The following PGBD5 variants were observed in gnomAD, a reference collection of about 807,000 sequenced individuals.
The protein encoded by PGBD5 is piggyBac transposable element-derived protein 5.
In PGBD5, 14 loss-of-function variants were observed where a neutral mutation model predicts 47.9. That is an observed-to-expected ratio of 0.29 (90% CI 0.19 to 0.46). PGBD5 has a LOEUF of 0.46. Ranked by LOEUF, PGBD5 falls within the 20% of genes least tolerant of loss-of-function variation. PGBD5 has a pLI of 1.00. For synonymous variants in PGBD5, 316 were observed against 306.3 expected (o/e 1.03, Z -0.33); for missense variants, 635 against 716.0 (o/e 0.89, Z 1.29).
In PGBD5 at chr1:230,325,380, A is replaced by G; in HGVS notation, c.1309T>C (p.Cys437Arg). Residue 437 changes from cysteine (C) to arginine (R), a missense_variant, in exon 6 of 7, where the codon TGC becomes CGC. Transcript: ENST00000391860. ...GCAAACGCCTCCACGGCCAAGGGGC[A>G]TGGGATCTCCCCACTCTTCCTTTTG... The part of the protein sequence containing the change: ...IIKRKSGEIP[C>R]PLAVEAFAAH... 1 of 1,613,816 alleles carries G rather than the reference A, an allele frequency of 6.2e-7. No homozygotes were observed. Among genetic ancestry groups the G allele is most frequent in the Non-Finnish European group, 8.5e-7 (1 of 1,179,872 alleles).
At chr1:230,424,441 CAG>C (rs1185010888) in intron 1 of PGBD5, among the ~76,000 whole-genome samples, 2 of 152,218 alleles carry the variant, frequency 1.3e-5, no homozygotes, top group African/African-American at 4.8e-5. Flanking sequence ...CGCAGCCTGC[CAG>C]AGGTCTGCAG....
chr1:230,415,321 C>CAG (rs1657491384), intron 1 of PGBD5, among the ~76,000 whole-genome samples: 3 of 151,934 alleles, frequency 2.0e-5, no homozygotes, highest in African/African-American at 7.3e-5. Flanking sequence ...ACTAACCACT[C>CAG]TGGGTGATTC....
chr1:230,425,135 A>ACTC lies in PGBD5; in HGVS notation c.331+460_331+462dup, dbSNP rs1346840566. ...CTCTCTCTCAACTCTCACTGGGCCA[A>ACTC]CTCCTACCTGCCTCGCCCGCGTCAC... On this transcript the variant is annotated intron_variant, in intron 1 of 6. Coordinates refer to ENST00000391860, the MANE Select transcript of PGBD5 (RefSeq NM_001258311.2). This position sits in a 1 kb window ranked among gnomAD's most constrained non-coding sequence, Gnocchi z 4.7. Among the ~76,000 whole-genome samples, 1 of 151,434 alleles carries ACTC rather than the reference A, an allele frequency of 6.6e-6. No homozygotes were observed. Among genetic ancestry groups the ACTC allele is most frequent in the Non-Finnish European group, 1.5e-5 (1 of 67,850 alleles).
At position 230,335,126 on chromosome 1, in the gene PGBD5, CACAT is replaced by C. The variant is rs1454380620; in HGVS notation, c.1075+1978_1075+1981del. 9.7e-5 allele frequency among the ~76,000 whole-genome samples: 13 copies of C among 134,136 alleles called. 1 individual carries two copies. Among genetic ancestry groups the C allele is most frequent in the Admixed American group, 3.6e-4 (5 of 13,712 alleles). 88.0% of individuals were successfully genotyped at this position (134,136 alleles called of 152,430 possible). Reference sequence around the variant, plus strand: ...ACACACACAGATACACAGATACAGACACATACACATACATACACAGGTACACATA... The same window carrying C: ...ACACACACAGATACACAGATACAGACACACATACATACACAGGTACACATA... On this transcript the variant is annotated intron_variant, in intron 4 of 6. Transcript: ENST00000391860.
chr1:230,356,071 AAT>A (rs1287700087), intron 2 of PGBD5, among the ~76,000 whole-genome samples: 1 of 152,224 alleles, frequency 6.6e-6, no homozygotes, highest in African/African-American at 2.4e-5. Flanking sequence ...TGGGTCTTTA[AAT>A]ATATACATAA....
At chr1:230,393,903 C>A (rs1173486250) in intron 1 of PGBD5, among the ~76,000 whole-genome samples, 5 of 151,936 alleles carry the variant, frequency 3.3e-5, no homozygotes, top group Non-Finnish European at 5.9e-5. Context: ...CTTCGCAAGG[C>A]TCTCCCTCAC....
In PGBD5 at chr1:230,323,374, G is replaced by A. The variant is rs1410035944; in HGVS notation, c.*51C>T. 3.8e-6 allele frequency: 6 copies of A among 1,570,186 alleles called. No homozygotes were observed. Among genetic ancestry groups the A allele is most frequent in the African/African-American group, 1.4e-5 (1 of 73,796 alleles). ...TCTGATGGGCAAGTTGGAACGGCAG[G>A]CTCTCCTCCTCCTCTTGCCCCTCCC... is the stretch of plus-strand genomic sequence containing the variant. On this transcript the variant is annotated 3_prime_UTR_variant, in exon 7 of 7. Transcript: ENST00000391860. This position sits in a 1 kb window ranked among gnomAD's most constrained non-coding sequence, Gnocchi z 4.1.
At chr1:230,379,735 C>T (rs1668064311) in intron 1 of PGBD5, among the ~76,000 whole-genome samples, 1 of 152,214 alleles carries the variant, frequency 6.6e-6, no homozygotes, top group African/African-American at 2.4e-5. Flanking sequence ...GTGATCGATC[C>T]ACCTCTCTGA....
intron 1 of PGBD5, among the ~76,000 whole-genome samples, chr1:230,375,371 T>A (rs1667994991): frequency 6.6e-6 from 1 of 152,122 alleles, no homozygotes; most frequent in Non-Finnish European, 1.5e-5. Flanking sequence ...GAGGGGAGTT[T>A]ATACAGATGA....
rs1343132959 is a variant in PGBD5 at position 230,317,284 on chromosome 1, G to GA, written c.*6140dup. ...AGAAGCAGCAGTGGCTGAGAACCAG[G>GA]AAGCCCTGGAGCAGACAGAGTGAGG... On this transcript the variant is annotated 3_prime_UTR_variant, in exon 7 of 7. Transcript: ENST00000391860. The GA allele has an allele frequency of 5.9e-5, 9 of 152,470 alleles. No individual in the cohort carries two copies. The East Asian group carries it at 1.7e-3, about 29-fold the overall frequency. 9.4% of individuals were successfully genotyped at this position (152,470 alleles called of 1,614,324 possible).
intron 1 of PGBD5, among the ~76,000 whole-genome samples, chr1:230,416,300 C>A (rs550380637): frequency 1.3e-5 from 2 of 152,324 alleles, no homozygotes; most frequent in East Asian, 3.9e-4. Flanking sequence ...AACTCTTCCA[C>A]TATTTTGGAT....
intron 1 of PGBD5, among the ~76,000 whole-genome samples, chr1:230,398,822 G>C (rs905429582): frequency 6.6e-6 from 1 of 152,024 alleles, no homozygotes; most frequent in Non-Finnish European, 1.5e-5. Flanking sequence ...CTCCTTAAGG[G>C]CCTGCACTGT....
At chr1:230,353,269 A>G (rs1219993526) in intron 2 of PGBD5, among the ~76,000 whole-genome samples, 4 of 152,114 alleles carry the variant, frequency 2.6e-5, no homozygotes, top group Admixed American at 2.6e-4. Flanking sequence ...GTGCTTGATG[A>G]GCTCGTTTTG....
intron 1 of PGBD5, among the ~76,000 whole-genome samples, chr1:230,420,680 C>CA (rs1361101366): frequency 2.0e-5 from 3 of 152,198 alleles, no homozygotes; most frequent in Non-Finnish European, 2.9e-5. Context: ...TCTTGCCTTC[C>CA]ACCATGATTG....
intron 1 of PGBD5, among the ~76,000 whole-genome samples, chr1:230,417,528 G>A (rs1438168780): frequency 1.3e-5 from 2 of 152,202 alleles, no homozygotes; most frequent in African/African-American, 2.4e-5. Flanking sequence ...GGGCCAGTGC[G>A]ACTGCCCACG....
chr1:230,355,991 G>C (rs992011046), intron 2 of PGBD5, among the ~76,000 whole-genome samples: 6 of 152,200 alleles, frequency 3.9e-5, no homozygotes, highest in Admixed American at 1.3e-4. Context: ...ACCTACAAGA[G>C]AATGGCAACA....
At position 230,323,149 on chromosome 1, in the gene PGBD5, T is replaced by C; in HGVS notation, c.*276A>G. ...CACGCTGCCTCGCAAGCTCCACGGA[T>C]GTCATGAGAGAATCTGCCCTTGAGA... On this transcript the variant is annotated 3_prime_UTR_variant, in exon 7 of 7. Coordinates refer to ENST00000391860, the MANE Select transcript of PGBD5 (RefSeq NM_001258311.2). This position sits in a 1 kb window ranked among gnomAD's most constrained non-coding sequence, Gnocchi z 4.1. 2.3e-6 allele frequency: 1 copy of C among 441,350 alleles called. No individual in the cohort carries two copies. The highest frequency in any genetic ancestry group is 3.3e-5 in the South Asian group (1 of 30,624). The allele number at this position is 441,350 out of a possible 1,614,324, so 27.3% of individuals were successfully genotyped here.
At position 230,323,688 on chromosome 1, in the gene PGBD5, C is replaced by G. The variant is rs572741825; in HGVS notation, c.1380-68G>C. On this transcript the variant is annotated intron_variant, in intron 6 of 6. Coordinates refer to ENST00000391860, the MANE Select transcript of PGBD5 (RefSeq NM_001258311.2). This position sits in a 1 kb window ranked among gnomAD's most constrained non-coding sequence, Gnocchi z 4.1. ...GGCACCCGGAGATGCATCCCAAAGG[C>G]CCCCCCTCACCACAGCCCGTGAGAC... The G allele has an allele frequency of 6.8e-6, 2 of 293,602 alleles. No homozygotes were observed. Among genetic ancestry groups the G allele is most frequent in the Non-Finnish European group, 1.0e-5 (2 of 191,866 alleles). The allele number at this position is 293,602 out of a possible 1,614,324, so 18.2% of individuals were successfully genotyped here.
chr1:230,351,085 T>C lies in PGBD5; in HGVS notation c.767A>G (p.His256Arg), dbSNP rs760023557. The C allele has an allele frequency of 6.2e-7, 1 of 1,612,332 alleles. No individual in the cohort carries two copies. The highest frequency in any genetic ancestry group is 8.5e-7 in the Non-Finnish European group (1 of 1,179,222). Reference sequence around the variant, plus strand: ...AGGATCCTCATCGATCAGGGGTTCATGTAGCACCTGCCAGGAGGGAAAAAG... The same window carrying C: ...AGGATCCTCATCGATCAGGGGTTCACGTAGCACCTGCCAGGAGGGAAAAAG... Reference protein sequence around the residue: ...AFRPSQTQVLHEPLIDEDPVF... With the variant: ...AFRPSQTQVLREPLIDEDPVF... Residue 256 changes from histidine to arginine, a missense_variant, in exon 3 of 7, where the codon CAT becomes CGT. By Grantham distance (29) the His-to-Arg change is conservative. Transcript: ENST00000391860.
Sources: gnomAD v4.1 joint callset for allele counts (sites outside exome capture counted in the v4.1 genomes callset) on GRCh38, gnomAD v4.1.1 for gene constraint, Gnocchi (gnomAD v3.1) non-coding constraint, MANE v1.5 for transcripts, NCBI Gene and HGNC (gene_info 2026-07-23, HGNC 2026-07-21) for gene names.